The following BTBD6 variants were observed in gnomAD, a reference collection of about 807,000 sequenced individuals.
BTBD6 encodes the protein BTB/POZ domain-containing protein 6.
In BTBD6, 30 loss-of-function variants were observed where a neutral mutation model predicts 40.6. The observed-to-expected ratio is 0.74, with a 90% CI of 0.55 to 1.00. BTBD6 has a LOEUF of 1.00. Ranked by LOEUF, BTBD6 falls within the 50% of genes least tolerant of loss-of-function variation. The pLI is 0.00. For synonymous variants in BTBD6, 378 were observed against 308.7 expected (o/e 1.22, Z -2.35); for missense variants, 698 against 694.6 (o/e 1.00, Z -0.06).
In BTBD6 at chr14:105,248,706, C is replaced by T; in HGVS notation, c.-6C>T. On this transcript the variant is annotated 5_prime_UTR_variant, in exon 1 of 4. Coordinates refer to ENST00000392554, the MANE Select transcript of BTBD6 (RefSeq NM_001387567.1). Reference sequence around the variant, plus strand: ...AGCCCCGCGGGTCACAGCGCCGCCGCCGCCCATGCTGCTGCCCCTAGCCTG... The same window carrying T: ...AGCCCCGCGGGTCACAGCGCCGCCGTCGCCCATGCTGCTGCCCCTAGCCTG... 2.0e-6 allele frequency: 2 copies of T among 982,496 alleles called. No homozygotes were observed. Among genetic ancestry groups the T allele is most frequent in the Non-Finnish European group, 1.2e-6 (1 of 829,382 alleles). The allele number at this position is 982,496 out of a possible 1,614,324, so 60.9% of individuals were successfully genotyped here. A position where few individuals can be genotyped will look rare whatever the true frequency, so the allele number is the denominator to read the frequency against.
chr14:105,250,730 A>G lies in BTBD6; in HGVS notation c.*58A>G. On this transcript the variant is annotated 3_prime_UTR_variant, in exon 4 of 4. Transcript: ENST00000392554. Reference sequence around the variant, plus strand: ...TGAGTGGAGGGGAAGTCAAGATGCTAACTGCTTCTTGACACCATGAAAGGC... The same window carrying G: ...TGAGTGGAGGGGAAGTCAAGATGCTGACTGCTTCTTGACACCATGAAAGGC... The G allele has an allele frequency of 5.3e-6, 8 of 1,500,728 alleles. No individual in the cohort carries two copies. The South Asian group carries it at 9.9e-5, about 19-fold the overall frequency. The allele number at this position is 1,500,728 out of a possible 1,614,324, so 93.0% of individuals were successfully genotyped here. A position where few individuals can be genotyped will look rare whatever the true frequency, so the allele number is the denominator to read the frequency against.
Position 105,249,509 on chromosome 14 carries a change from G to A in BTBD6, c.584+31G>A, listed in dbSNP as rs770012980. ...TCCACTCTACTGGGGAGGGACGGGT[G>A]GGTCCGTTTTAGGCGGCCTCCGGAG... On this transcript the variant is annotated intron_variant, in intron 3 of 3. Transcript: ENST00000392554. The A allele has an allele frequency of 1.9e-6, 3 of 1,609,690 alleles. No individual in the cohort carries two copies. The Admixed American group carries it at 5.0e-5, about 27-fold the overall frequency.
At position 105,249,190 on chromosome 14, in the gene BTBD6, C is replaced by A; in HGVS notation, c.408C>A (p.Ala136=). The A allele has an allele frequency of 2.5e-6, 4 of 1,588,770 alleles. No individual in the cohort carries two copies. The highest frequency in any genetic ancestry group is 1.1e-5 in the South Asian group (1 of 89,370). Residue 136 remains alanine, a synonymous_variant, in exon 2 of 4, where the codon GCC becomes GCA. Coordinates refer to ENST00000392554, the MANE Select transcript of BTBD6 (RefSeq NM_001387567.1). ...TCATGTTCAACAACGAGCTCATGGC[C>A]GACGTGCACTTCGTCGTGGGGCCCC... ...NALMFNNELM[A]DVHFVVGPPG...
Position 105,248,727 on chromosome 14 carries a change from G to C in BTBD6, c.16G>C (p.Ala6Pro). The C allele has an allele frequency of 4.1e-6, 4 of 981,606 alleles. No individual in the cohort carries two copies. The highest frequency in any genetic ancestry group is 4.8e-6 in the Non-Finnish European group (4 of 829,058). 60.8% of individuals were successfully genotyped at this position (981,606 alleles called of 1,614,324 possible). Residue 6 changes from alanine to proline, a missense_variant, in exon 1 of 4, where the codon GCC becomes CCC. By Grantham distance (27) the Ala-to-Pro change is conservative. Transcript: ENST00000392554. MLLPLACLHGRVAQCL... is the reference protein window; with the variant it reads MLLPLPCLHGRVAQCL... ...GCCGCCGCCCATGCTGCTGCCCCTA[G>C]CCTGCCTGCACGGCCGCGTCGCTCA...
Position 105,248,555 on chromosome 14 carries a change from C to G in BTBD6, c.-157C>G. The G allele has an allele frequency of 2.1e-6, 1 of 485,264 alleles. No homozygotes were observed. The highest frequency in any genetic ancestry group is 2.4e-6 in the Non-Finnish European group (1 of 411,910). The allele number at this position is 485,264 out of a possible 1,614,324, so 30.1% of individuals were successfully genotyped here. A position where few individuals can be genotyped will look rare whatever the true frequency, so the allele number is the denominator to read the frequency against. ...GACGCAGCGTGACGCACCGGCGCCG[C>G]GGCGGGTACGGGCTCGGGCGGGCGG... On this transcript the variant is annotated 5_prime_UTR_variant, in exon 1 of 4. Transcript: ENST00000392554.
chr14:105,250,161 C>T lies in BTBD6; in HGVS notation c.1106C>T (p.Thr369Met), dbSNP rs587694532. Residue 369 changes from threonine (T) to methionine (M), a missense_variant, in exon 4 of 4, where the codon ACG (threonine) becomes ATG (methionine). Transcript: ENST00000392554. ...ACCCACAGCATCTTCCTGTGGTACA[C>T]GGCCACCAACAAGCCCCGCCTGGAC... ...EETHSIFLWY[T>M]ATNKPRLDFP... 9 of 1,612,906 alleles carry T rather than the reference C, an allele frequency of 5.6e-6. No homozygotes were observed. Among genetic ancestry groups the T allele is most frequent in the East Asian group, 4.5e-5 (2 of 44,886 alleles).
In BTBD6 at chr14:105,250,109, C is replaced by G. The variant is rs952680298; in HGVS notation, c.1054C>G (p.Gln352Glu). Reference sequence around the variant, plus strand: ...AGAGGAGTTTGCCAACGGCGCTGCCCAGTCAGACATCCTGACTCTGGAGGA... The same window carrying G: ...AGAGGAGTTTGCCAACGGCGCTGCCGAGTCAGACATCCTGACTCTGGAGGA... The part of the protein sequence containing the change: ...TLEEFANGAA[Q>E]SDILTLEETH... The change falls in exon 4 of 4, where the codon CAG (glutamine) becomes GAG (glutamate). Residue 352 changes from glutamine (Q) to glutamate (E), a missense_variant. Coordinates refer to ENST00000392554, the MANE Select transcript of BTBD6 (RefSeq NM_001387567.1). 1 of 1,612,866 alleles carries G rather than the reference C, an allele frequency of 6.2e-7. No individual in the cohort carries two copies. The highest frequency in any genetic ancestry group is 8.5e-7 in the Non-Finnish European group (1 of 1,180,042).
chr14:105,249,830 C>T lies in BTBD6; in HGVS notation c.775C>T (p.Arg259Cys). 6.2e-7 allele frequency: 1 copy of T among 1,613,454 alleles called. No homozygotes were observed. The highest frequency in any genetic ancestry group is 8.5e-7 in the Non-Finnish European group (1 of 1,180,038). Residue 259 changes from arginine to cysteine, a missense_variant, in exon 4 of 4, where the codon CGC (arginine) becomes TGC (cysteine). Transcript: ENST00000392554. ...GTTTGAGGAGCCCGAGCTGACGCAGCGCTGCTGGGAGGTCATTGACGCACA... is the reference window on the plus strand; with the variant it reads ...GTTTGAGGAGCCCGAGCTGACGCAGTGCTGCTGGGAGGTCATTGACGCACA... The part of the protein sequence containing the change: ...RLFEEPELTQ[R>C]CWEVIDAQAE...
Position 105,249,148 on chromosome 14 carries a change from C to A in BTBD6, c.375-9C>A. On this transcript the variant is annotated splice_polypyrimidine_tract_variant and intron_variant, in intron 1 of 3. Transcript: ENST00000392554. ...CCCACGCCCCCAGCCCGTGCCTCTA[C>A]CTTTGCAGGAACGCGCTCATGTTCA... The A allele has an allele frequency of 6.4e-7, 1 of 1,566,996 alleles. No individual in the cohort carries two copies. The highest frequency in any genetic ancestry group is 8.6e-7 in the Non-Finnish European group (1 of 1,163,756).
chr14:105,249,335 T>C (rs2140285703), intron 2 of BTBD6, 25 bp from the exon 3 acceptor site: 1 of 1,602,816 alleles, frequency 6.2e-7, no homozygotes, highest in African/African-American at 1.3e-5. Context: ...AGAGCCAGGC[T>C]CACGGCGGCG....
In BTBD6 at chr14:105,250,446, G is replaced by A; in HGVS notation, c.1391G>A (p.Ser464Asn). 1.2e-6 allele frequency: 2 copies of A among 1,614,040 alleles called. No homozygotes were observed. Among genetic ancestry groups the A allele is most frequent in the Admixed American group, 1.7e-5 (1 of 60,026 alleles). Residue 464 changes from serine to asparagine, a missense_variant, in exon 4 of 4, where the codon AGT (serine) becomes AAT (asparagine). By Grantham distance (46) the Ser-to-Asn change is conservative (BLOSUM62 1). Transcript: ENST00000392554. The part of the protein sequence containing the change: ...NLTKFMSDGS[S>N]NTFPVWFEHP... ...ACCAAGTTCATGTCAGACGGATCCA[G>A]TAACACCTTCCCGGTCTGGTTTGAA...
Position 105,249,696 on chromosome 14 carries a change from A to G in BTBD6, c.641A>G (p.Tyr214Cys). The G allele has an allele frequency of 6.2e-7, 1 of 1,613,764 alleles. No individual in the cohort carries two copies. The highest frequency in any genetic ancestry group is 8.5e-7 in the Non-Finnish European group (1 of 1,180,014). Residue 214 changes from tyrosine (Y) to cysteine (C), a missense_variant, in exon 4 of 4, where the codon TAC becomes TGC. Coordinates refer to ENST00000392554, the MANE Select transcript of BTBD6 (RefSeq NM_001387567.1). The stretch of plus-strand genomic sequence containing the variant: ...GCCGACACGGTGCTGGCCACTCTGT[A>G]CGCTGCTAAGAAGTACATCGTCCCA... ...LEADTVLATLYAAKKYIVPAL... is the reference protein window; with the variant it reads ...LEADTVLATLCAAKKYIVPAL...
chr14:105,250,773 C>A lies in BTBD6; in HGVS notation c.*101C>A. The A allele has an allele frequency of 8.1e-7, 1 of 1,242,194 alleles. No homozygotes were observed. Among genetic ancestry groups the A allele is most frequent in the East Asian group, 2.5e-5 (1 of 40,442 alleles). 76.9% of individuals were successfully genotyped at this position (1,242,194 alleles called of 1,614,324 possible). A position where few individuals can be genotyped will look rare whatever the true frequency, so the allele number is the denominator to read the frequency against. ...TGAAAGGCTGCTCTTAACTTTGTCT[C>A]TCTTTGACATGTAGTCAGCTGAAGC... On this transcript the variant is annotated 3_prime_UTR_variant, in exon 4 of 4. Transcript: ENST00000392554.
In BTBD6 at chr14:105,249,352, C is replaced by T. The variant is rs191645747; in HGVS notation, c.466-8C>T. ...AGCCAGGCTCACGGCGGCGCTTTCT[C>T]CTCCCAGTACGTCTTGGCTGTCGGC... On this transcript the variant is annotated splice_region_variant and splice_polypyrimidine_tract_variant and intron_variant, in intron 2 of 3. Transcript: ENST00000392554. 7,200 of 1,609,008 alleles carry T rather than the reference C, an allele frequency of 4.5e-3. 44 individuals carry two copies. The highest frequency in any genetic ancestry group is 0.024 in the East Asian group (1,061 of 44,796).
rs2055525709 is a variant in BTBD6, at chr14:105,250,283, T to G, written c.1228T>G (p.Cys410Gly). Residue 410 changes from cysteine to glycine, a missense_variant, in exon 4 of 4, where the codon TGC (cysteine) becomes GGC (glycine). By Grantham distance (159) the Cys-to-Gly change is radical. Coordinates refer to ENST00000392554, the MANE Select transcript of BTBD6 (RefSeq NM_001387567.1). The stretch of plus-strand genomic sequence containing the variant: ...CAACCAGTGGCGGTACCGCGGGCGC[T>G]GCGACAGCATCCAGTTTGCAGTGGA... ...RSNQWRYRGR[C>G]DSIQFAVDRR... is the part of the protein sequence containing the mutation. The G allele has an allele frequency of 6.2e-7, 1 of 1,613,104 alleles. No individual in the cohort carries two copies. Among genetic ancestry groups the G allele is most frequent in the Non-Finnish European group, 8.5e-7 (1 of 1,180,022 alleles).
In BTBD6 at chr14:105,249,635, C is replaced by T. The variant is rs943125095; in HGVS notation, c.585-5C>T. On this transcript the variant is annotated splice_region_variant and splice_polypyrimidine_tract_variant and intron_variant, in intron 3 of 3. Coordinates refer to ENST00000392554, the MANE Select transcript of BTBD6 (RefSeq NM_001387567.1). ...AGCCCCTGACGCGGGCCCTGCCTCG[C>T]CTAGGTACATGTACAGTGATGAGAT... The T allele has an allele frequency of 1.5e-5, 24 of 1,602,842 alleles. No individual in the cohort carries two copies. The highest frequency in any genetic ancestry group is 2.0e-5 in the Non-Finnish European group (24 of 1,172,976).
intron 1 of BTBD6, 35 bp from the exon 2 acceptor site, chr14:105,249,122 G>A: frequency 2.0e-6 from 3 of 1,513,198 alleles, no homozygotes; most frequent in Non-Finnish European, 1.8e-6. Context: ...GCCCGCGCGC[G>A]CCCACGCCCC....
rs139399681 is a variant in BTBD6, at chr14:105,250,396, C to G, written c.1341C>G (p.Leu447=). 9.3e-6 allele frequency: 15 copies of G among 1,613,686 alleles called. No homozygotes were observed. The highest frequency in any genetic ancestry group is 2.7e-5 in the African/African-American group (2 of 74,926). The change falls in exon 4 of 4, where the codon CTC becomes CTG. Residue 447 remains leucine (L), a synonymous_variant. Coordinates refer to ENST00000392554, the MANE Select transcript of BTBD6 (RefSeq NM_001387567.1). ...EYSVKIELKR[L]GVVLAQNLTK... ...GCGTGAAGATTGAGCTCAAGCGGCTCGGGGTGGTTCTGGCTCAGAACTTGA... is the reference window on the plus strand; with the variant it reads ...GCGTGAAGATTGAGCTCAAGCGGCTGGGGGTGGTTCTGGCTCAGAACTTGA...
Position 105,249,083 on chromosome 14 carries a change from G to C in BTBD6, c.372G>C (p.Glu124Asp). Reference sequence around the variant, plus strand: ...GGTGCTGCCGCCCCACGCTGCGCGAGAGGTGAGCCCGTGCCCCGCGGCCCC... The same window carrying C: ...GGTGCTGCCGCCCCACGCTGCGCGACAGGTGAGCCCGTGCCCCGCGGCCCC... ...GWRCCRPTLR[E>D]RNALMFNNEL... The change falls in exon 1 of 4, where the codon GAG (glutamate) becomes GAC (aspartate). Residue 124 changes from glutamate (E) to aspartate (D), a missense_variant and splice_region_variant. Physicochemically the swap from Glu to Asp is conservative, Grantham distance 45. Coordinates refer to ENST00000392554, the MANE Select transcript of BTBD6 (RefSeq NM_001387567.1). 2 of 1,424,992 alleles carry C rather than the reference G, an allele frequency of 1.4e-6. No individual in the cohort carries two copies. The highest frequency in any genetic ancestry group is 1.8e-6 in the Non-Finnish European group (2 of 1,100,018). 88.3% of individuals were successfully genotyped at this position (1,424,992 alleles called of 1,614,324 possible). A position where few individuals can be genotyped will look rare whatever the true frequency, so the allele number is the denominator to read the frequency against.
Sources: gnomAD v4.1 joint callset for allele counts on GRCh38, gnomAD v4.1.1 for gene constraint, MANE v1.5 for transcripts, NCBI Gene and HGNC (gene_info 2026-07-23, HGNC 2026-07-21) for gene names.